UBE2K: variants seen among roughly 807,000 people sequenced by gnomAD.
The protein encoded by UBE2K is ubiquitin-conjugating enzyme E2 K.
UBE2K carries 6 observed loss-of-function variants against 30.0 expected under a neutral mutation model. That is an observed-to-expected ratio of 0.20 (90% confidence interval 0.11 to 0.39). The LOEUF (loss-of-function observed/expected upper bound fraction) is 0.39, where lower values mean the gene tolerates loss of function less well. Ranked by LOEUF, UBE2K falls within the 10% of genes least tolerant of loss-of-function variation. The pLI, the probability that UBE2K is intolerant of heterozygous loss-of-function variation, is 1.00. For synonymous variants in UBE2K, 86 were observed against 83.7 expected (o/e 1.03, Z -0.15); for missense variants, 61 against 241.6 (o/e 0.25, Z 4.96).
At chr4:39,767,513 C>T (rs1417356943) in intron 4 of UBE2K, among the ~76,000 whole-genome samples, 5 of 151,930 alleles carry the variant, frequency 3.3e-5, no homozygotes, top group East Asian at 3.9e-4. Flanking sequence ...TTAGTAGAGA[C>T]GGAGTTTCAC....
At chr4:39,766,061 C>A (rs1288723663) in intron 4 of UBE2K, among the ~76,000 whole-genome samples, 1 of 152,092 alleles carries the variant, frequency 6.6e-6, no homozygotes. Context: ...TTGTTATGAA[C>A]ATTTATATAT....
chr4:39,751,989 T>G (rs1007105050), intron 3 of UBE2K, among the ~76,000 whole-genome samples: 16 of 152,260 alleles, frequency 1.1e-4, no homozygotes, highest in African/African-American at 2.9e-4. Flanking sequence ...AAAATAAGAT[T>G]AAAACAAAAG....
chr4:39,764,745 C>A (rs1054506495), intron 4 of UBE2K, among the ~76,000 whole-genome samples: 1 of 151,926 alleles, frequency 6.6e-6, no homozygotes, highest in East Asian at 1.9e-4. Context: ...TTTTCTTTAA[C>A]CTCCTCTTCA....
chr4:39,710,921 A>C (rs1394661569), intron 1 of UBE2K, among the ~76,000 whole-genome samples: 1 of 152,036 alleles, frequency 6.6e-6, no homozygotes, highest in East Asian at 1.9e-4. Context: ...CTCTACCCAA[A>C]TACTGTAAAA....
intron 6 of UBE2K, 78 bp downstream of exon 6, chr4:39,777,888 GT>G (rs1713366501): frequency 6.1e-6 from 8 of 1,314,186 alleles, no homozygotes; most frequent in Non-Finnish European, 7.9e-6. Context: ...GACAAAAGTG[GT>G]TTAGAAAATA....
intron 1 of UBE2K, among the ~76,000 whole-genome samples, chr4:39,713,687 C>T (rs1718845157): frequency 6.6e-6 from 1 of 151,982 alleles, no homozygotes; most frequent in African/African-American, 2.4e-5. Context: ...AAAATTGAAA[C>T]TCTGTACCCA....
At chr4:39,760,748 T>C (rs1019431986) in intron 4 of UBE2K, among the ~76,000 whole-genome samples, 1 of 151,774 alleles carries the variant, frequency 6.6e-6, no homozygotes, top group African/African-American at 2.4e-5. Context: ...ATACAAAAAA[T>C]TAGCTACAGC....
intron 3 of UBE2K, among the ~76,000 whole-genome samples, chr4:39,752,968 C>T (rs930143746): frequency 1.3e-5 from 2 of 152,122 alleles, no homozygotes; most frequent in African/African-American, 4.8e-5. Flanking sequence ...TGCAGTGAGC[C>T]ATGATCGCAC....
chr4:39,740,619 T>C (rs1221987001), intron 2 of UBE2K, among the ~76,000 whole-genome samples: 2 of 151,668 alleles, frequency 1.3e-5, no homozygotes, highest in African/African-American at 4.8e-5. Context: ...TCCCAGCACT[T>C]TGGGAGGCTG....
chr4:39,743,965 C>T (rs540003275), intron 2 of UBE2K, among the ~76,000 whole-genome samples: 154 of 152,230 alleles, frequency 1.0e-3, no homozygotes, highest in African/African-American at 3.6e-3. Context: ...TGGGTTCAAG[C>T]GATTCTTGTG....
chr4:39,741,995 G>GGTC (rs1196985742), intron 2 of UBE2K, among the ~76,000 whole-genome samples: 3 of 152,050 alleles, frequency 2.0e-5, no homozygotes, highest in Admixed American at 6.5e-5. Context: ...AATGCTAAGT[G>GGTC]GTCATATATT....
chr4:39,714,552 T>TA (rs1560343937), intron 1 of UBE2K: 4 of 58,030 alleles, frequency 6.9e-5, no homozygotes, highest in African/African-American at 1.0e-4. Flanking sequence ...ATATATATAT[T>TA]TTTTTTTTTT....
intron 3 of UBE2K, among the ~76,000 whole-genome samples, chr4:39,747,361 C>G (rs1721035057): frequency 6.6e-6 from 1 of 152,176 alleles, no homozygotes; most frequent in Non-Finnish European, 1.5e-5. Flanking sequence ...CCCCATTATT[C>G]CCCGCTCCCA....
intron 4 of UBE2K, among the ~76,000 whole-genome samples, chr4:39,766,770 G>A (rs1712367102): frequency 6.6e-6 from 1 of 151,610 alleles, no homozygotes; most frequent in Non-Finnish European, 1.5e-5. Context: ...TTTTTTTCGA[G>A]ACAGAGTCTC....
chr4:39,771,012 G>A (rs1258269396), intron 4 of UBE2K: 5 of 1,611,366 alleles, frequency 3.1e-6, no homozygotes, highest in African/African-American at 2.7e-5. Flanking sequence ...TGCTCACAAG[G>A]CTAGCCTCAC....
intron 6 of UBE2K, 71 bp from the exon 7 acceptor site, chr4:39,778,285 TAAAG>T: frequency 1.1e-6 from 1 of 944,600 alleles, no homozygotes; most frequent in Non-Finnish European, 1.6e-6. Flanking sequence ...ATTCCCAGTA[TAAAG>T]AGTGAATGAT....
At chr4:39,702,372 G>A (rs1718082137) in intron 1 of UBE2K, among the ~76,000 whole-genome samples, 1 of 148,010 alleles carries the variant, frequency 6.8e-6, no homozygotes, top group African/African-American at 2.5e-5. Context: ...CTCCTGCCTC[G>A]GCCTCCTGAG....
At chr4:39,720,691 AAT>A (rs1719371811) in intron 1 of UBE2K, among the ~76,000 whole-genome samples, 1 of 152,226 alleles carries the variant, frequency 6.6e-6, no homozygotes, top group African/African-American at 2.4e-5. Context: ...GATAGTTAAT[AAT>A]CATTTTACAA....
rs187173843 is a variant in UBE2K, at chr4:39,735,628, G to A, written c.64-1792G>A. Among the ~76,000 whole-genome samples the A allele has an allele frequency of 3.0e-4, 46 of 152,202 alleles. 1 individual carries two copies. Among genetic ancestry groups the A allele is most frequent in the African/African-American group, 9.9e-4 (41 of 41,536 alleles). ...GATCTCCTGACCTCGTGATCTGCCC[G>A]CCTCAGCCTCCCAAAGTGCTGGGAT... On this transcript the variant is annotated intron_variant, in intron 1 of 6. Transcript: ENST00000261427.
Sources: allele counts gnomAD v4.1 joint callset (sites outside exome capture counted in the v4.1 genomes callset), GRCh38; gene constraint gnomAD v4.1.1; transcripts MANE v1.5; gene names NCBI Gene and HGNC (gene_info 2026-07-23, HGNC 2026-07-21).